The following ADGRB3 variants were observed in gnomAD, a reference collection of about 807,000 sequenced individuals.
The protein encoded by ADGRB3 is adhesion G protein-coupled receptor B3.
Under a neutral mutation model 193.4 loss-of-function variants are expected in ADGRB3, and 37 were observed. That is an observed-to-expected ratio of 0.19 (90% CI 0.15 to 0.25). The LOEUF is 0.25. Among genes scored for constraint, ADGRB3 ranks in the 10% least tolerant of loss-of-function variants. The pLI, the probability that ADGRB3 is intolerant of heterozygous loss-of-function variation, is 1.00. For synonymous variants in ADGRB3, 690 were observed against 644.2 expected, an observed-to-expected ratio of 1.07 and a Z score of -1.08; for missense variants, 1,637 against 1,852.9, an observed-to-expected ratio of 0.88 and a Z score of 2.14.
At chr6:69,001,564 A>C (rs914349242) in intron 11 of ADGRB3, among the ~76,000 whole-genome samples, 2 of 152,172 alleles carry the variant, frequency 1.3e-5, no homozygotes, top group Non-Finnish European at 2.9e-5. Flanking sequence ...GATATGAGAA[A>C]AGAAGAGAGC....
intron 20 of ADGRB3, among the ~76,000 whole-genome samples, chr6:69,293,283 T>G (rs971965926): frequency 6.6e-6 from 1 of 152,148 alleles, no homozygotes. Flanking sequence ...ACACCCACTT[T>G]CTCTTACTTA....
chr6:68,912,172 C>A (rs1582308578), intron 3 of ADGRB3, among the ~76,000 whole-genome samples: 1 of 151,788 alleles, frequency 6.6e-6, no homozygotes, highest in African/African-American at 2.4e-5. Flanking sequence ...TTCAGAAAAC[C>A]TTTAGGGTCT....
intron 17 of ADGRB3, among the ~76,000 whole-genome samples, chr6:69,176,347 G>C (rs1169728141): frequency 6.6e-6 from 1 of 152,128 alleles, no homozygotes; most frequent in African/African-American, 2.4e-5. Context: ...TGATCATAAA[G>C]GGATGTTAGA....
At chr6:69,285,701 AC>A (rs1222797677) in intron 20 of ADGRB3, among the ~76,000 whole-genome samples, 2 of 151,904 alleles carry the variant, frequency 1.3e-5, no homozygotes, top group Admixed American at 6.6e-5. Flanking sequence ...ATAAAATAGT[AC>A]TATCATTGTG....
chr6:69,181,714 A>G (rs1775589890), intron 17 of ADGRB3, among the ~76,000 whole-genome samples: 2 of 152,304 alleles, frequency 1.3e-5, no homozygotes, highest in East Asian at 1.9e-4. Context: ...ACTATCTGCA[A>G]AAACATTTTA....
chr6:69,322,237 T>C (rs554198748), intron 20 of ADGRB3, among the ~76,000 whole-genome samples: 2 of 152,186 alleles, frequency 1.3e-5, no homozygotes, highest in South Asian at 4.1e-4. Context: ...CCATATTTTC[T>C]TTATTCAGTC....
chr6:69,085,221 C>A (rs1257571784), intron 17 of ADGRB3, among the ~76,000 whole-genome samples: 1 of 151,982 alleles, frequency 6.6e-6, no homozygotes, highest in African/African-American at 2.4e-5. Context: ...TCATTGAAGT[C>A]GGTTTTGAAA....
At chr6:68,932,379 C>T (rs1767364033) in intron 4 of ADGRB3, among the ~76,000 whole-genome samples, 1 of 152,064 alleles carries the variant, frequency 6.6e-6, no homozygotes, top group Non-Finnish European at 1.5e-5. Flanking sequence ...GTTCAATTCA[C>T]AGTTTTCAGC....
intron 20 of ADGRB3, among the ~76,000 whole-genome samples, chr6:69,272,258 G>T (rs934253978): frequency 3.9e-5 from 6 of 152,124 alleles, no homozygotes; most frequent in African/African-American, 1.4e-4. Flanking sequence ...CCCTCACAAG[G>T]TGCTAGGGGT....
intron 20 of ADGRB3, among the ~76,000 whole-genome samples, chr6:69,321,393 T>C (rs1298980015): frequency 6.6e-6 from 1 of 151,702 alleles, no homozygotes; most frequent in East Asian, 1.9e-4. Flanking sequence ...TGCTAGTGAG[T>C]CTCACATTTG....
At chr6:68,819,699 G>C (rs1049946849) in intron 3 of ADGRB3, among the ~76,000 whole-genome samples, 5 of 151,938 alleles carry the variant, frequency 3.3e-5, no homozygotes, top group African/African-American at 1.2e-4. Context: ...TTCTCACCCT[G>C]TTGATAGATA....
At chr6:69,008,645 T>C (rs1769843545) in intron 11 of ADGRB3, among the ~76,000 whole-genome samples, 1 of 152,128 alleles carries the variant, frequency 6.6e-6, no homozygotes, top group Non-Finnish European at 1.5e-5. Flanking sequence ...GGAGAGTTCC[T>C]TGTGTTTGGC....
At chr6:69,366,540 C>T (rs1769571169) in intron 29 of ADGRB3, among the ~76,000 whole-genome samples, 1 of 152,094 alleles carries the variant, frequency 6.6e-6, no homozygotes, top group African/African-American at 2.4e-5. Context: ...TGCCTCTATG[C>T]ATACATTCAC....
intron 15 of ADGRB3, among the ~76,000 whole-genome samples, chr6:69,058,800 G>A (rs371654115): frequency 7.9e-5 from 12 of 152,002 alleles, no homozygotes; most frequent in Admixed American, 2.6e-4. Context: ...CATTGTAGTC[G>A]GAAAAGATAC....
chr6:68,982,935 C>T (rs189177023), intron 10 of ADGRB3, among the ~76,000 whole-genome samples: 36 of 151,390 alleles, frequency 2.4e-4, no homozygotes, highest in African/African-American at 7.0e-4. Flanking sequence ...TTTGGCTTAC[C>T]TCAGAAAAGA....
At chr6:68,713,314 C>G (rs941683323) in intron 3 of ADGRB3, among the ~76,000 whole-genome samples, 3 of 151,772 alleles carry the variant, frequency 2.0e-5, no homozygotes, top group African/African-American at 4.8e-5. Flanking sequence ...TTTACTTGCT[C>G]TCATTGAAAA....
chr6:68,781,698 C>T (rs1429004083), intron 3 of ADGRB3, among the ~76,000 whole-genome samples: 1 of 151,902 alleles, frequency 6.6e-6, no homozygotes, highest in Admixed American at 6.6e-5. Flanking sequence ...GTGAGGCAAA[C>T]TTAAGGTTAA....
chr6:69,325,292 AAAC>A (rs1011037354), intron 21 of ADGRB3, among the ~76,000 whole-genome samples: 1 of 152,138 alleles, frequency 6.6e-6, no homozygotes, highest in African/African-American at 2.4e-5. Context: ...ACACACAGAA[AAAC>A]AGTGCTCTCT....
At chr6:68,743,322 A>T (rs1766017080) in intron 3 of ADGRB3, among the ~76,000 whole-genome samples, 1 of 145,824 alleles carries the variant, frequency 6.9e-6, no homozygotes, top group East Asian at 2.0e-4. Flanking sequence ...CTAAGTTGAG[A>T]CATCTGAATC....
Sources: allele counts gnomAD v4.1 joint callset (sites outside exome capture counted in the v4.1 genomes callset), GRCh38; gene constraint gnomAD v4.1.1; transcripts MANE v1.5; gene names NCBI Gene and HGNC (gene_info 2026-07-23, HGNC 2026-07-21).